Variants in TRAPPC9 observed in about 807,000 individuals in gnomAD.
TRAPPC9 encodes IKK2 binding protein.
A neutral mutation model predicts 124.0 loss-of-function variants in TRAPPC9; 83 were observed. The ratio of observed to expected loss-of-function variants is 0.67; its 90% CI spans 0.56 to 0.80. The LOEUF (loss-of-function observed/expected upper bound fraction) is 0.80. Among genes scored for constraint, TRAPPC9 ranks in the 30% least tolerant of loss-of-function variants. The probability of loss-of-function intolerance (pLI) is 0.00; values close to 1 mark genes in which losing one functional copy is unlikely to be tolerated. For missense variants in TRAPPC9, 1,302 were observed against 1,508.3 expected (o/e 0.86, Z 2.27); for synonymous variants, 638 against 617.5 (o/e 1.03, Z -0.49).
intron 21 of TRAPPC9, among the ~76,000 whole-genome samples, chr8:139,879,948 G>A (rs1270185117): frequency 2.6e-5 from 4 of 152,162 alleles, no homozygotes; most frequent in Non-Finnish European, 5.9e-5. Flanking sequence ...CCAGAAGCAG[G>A]TCTGTGGGAT....
At position 140,241,096 on chromosome 8, in the gene TRAPPC9, G is replaced by A. The variant is rs928800636; in HGVS notation, c.2431+11681C>T. On this transcript the variant is annotated intron_variant, in intron 16 of 22. Coordinates refer to ENST00000438773, the MANE Select transcript of TRAPPC9 (RefSeq NM_001160372.4). This position sits in a 1 kb window ranked among gnomAD's most constrained non-coding sequence, Gnocchi z 5.0. ...TGGCATCCAGCTCATCTTTAGTCAG[G>A]ACCTGTTCAAAGACCATTCAGGCCG... Among the ~76,000 whole-genome samples the A allele has an allele frequency of 2.6e-5, 4 of 152,096 alleles. No individual in the cohort carries two copies. Among genetic ancestry groups the A allele is most frequent in the Non-Finnish European group, 5.9e-5 (4 of 68,018 alleles).
At chr8:139,802,136 C>A (rs12680346) in intron 21 of TRAPPC9, among the ~76,000 whole-genome samples, 1 of 151,974 alleles carries the variant, frequency 6.6e-6, no homozygotes, top group Non-Finnish European at 1.5e-5. Context: ...CAGTACAGAA[C>A]GGCATGGGTC....
chr8:140,384,072 A>C (rs954969856), intron 7 of TRAPPC9, among the ~76,000 whole-genome samples: 2 of 152,202 alleles, frequency 1.3e-5, no homozygotes, highest in Non-Finnish European at 2.9e-5. Context: ...TAAGCTTCAT[A>C]AGTGAAGGAG....
At chr8:140,021,096 G>A (rs373913221) in intron 18 of TRAPPC9, among the ~76,000 whole-genome samples, 7 of 152,034 alleles carry the variant, frequency 4.6e-5, no homozygotes, top group African/African-American at 7.2e-5. Flanking sequence ...ATCTATTTAC[G>A]TTTAGTGTAA....
chr8:140,457,891 G>T, upstream of TRAPPC9: 1 of 867,714 alleles, frequency 1.2e-6, no homozygotes, highest in Non-Finnish European at 1.5e-6. Context: ...AGAGAAGAGG[G>T]GACAGGGAGG....
At chr8:139,800,800 A>G (rs1823450831) in intron 21 of TRAPPC9, among the ~76,000 whole-genome samples, 1 of 148,924 alleles carries the variant, frequency 6.7e-6, no homozygotes, top group Non-Finnish European at 1.5e-5. Flanking sequence ...TCCGTCCGGT[A>G]TCTTTACCTT....
chr8:140,291,275 A>C (rs112702767), intron 11 of TRAPPC9, 197 bp from the exon 12 acceptor site: 8 of 645,712 alleles, frequency 1.2e-5, no homozygotes, highest in African/African-American at 1.8e-5. Flanking sequence ...TGTCACTGGC[A>C]CTTTGATGCC....
intron 20 of TRAPPC9, among the ~76,000 whole-genome samples, chr8:139,893,953 G>A (rs1830505790): frequency 6.6e-6 from 1 of 152,256 alleles, no homozygotes; most frequent in South Asian, 2.1e-4. Flanking sequence ...GCACGGGGCA[G>A]ATGCAAGCCT....
intron 16 of TRAPPC9, among the ~76,000 whole-genome samples, chr8:140,240,445 C>G (rs1418599384): frequency 6.6e-6 from 1 of 152,194 alleles, no homozygotes; most frequent in Non-Finnish European, 1.5e-5. Context: ...CACATCGCCT[C>G]TTGCTCTCCA....
At chr8:140,441,338 G>T (rs2071010180) in intron 2 of TRAPPC9, among the ~76,000 whole-genome samples, 2 of 151,230 alleles carry the variant, frequency 1.3e-5, no homozygotes, top group Non-Finnish European at 1.5e-5. Context: ...TGTTCCAAAT[G>T]GGAAAAAAAA....
intron 17 of TRAPPC9, among the ~76,000 whole-genome samples, chr8:140,155,310 GCAGGGAC>G (rs1321910301): frequency 6.6e-6 from 1 of 152,176 alleles, no homozygotes; most frequent in African/African-American, 2.4e-5. Context: ...GGCTCCAAAG[GCAGGGAC>G]CAGGACCCAT....
chr8:140,259,873 C>T (rs936520843), intron 15 of TRAPPC9, among the ~76,000 whole-genome samples: 4 of 152,218 alleles, frequency 2.6e-5, no homozygotes, highest in East Asian at 1.9e-4. Flanking sequence ...AGAACACACA[C>T]GTGTGCCCAG....
intron 19 of TRAPPC9, among the ~76,000 whole-genome samples, chr8:139,956,157 C>T (rs1834965597): frequency 6.6e-6 from 1 of 151,526 alleles, no homozygotes; most frequent in African/African-American, 2.4e-5. Context: ...GATGTTGTTT[C>T]GTTTTTTTTT....
chr8:140,171,468 C>T (rs1345019916), intron 17 of TRAPPC9, among the ~76,000 whole-genome samples: 3 of 152,202 alleles, frequency 2.0e-5, no homozygotes, highest in Admixed American at 6.5e-5. Context: ...GAAGAACATA[C>T]CTGTAAAACA....
chr8:139,782,518 A>T (rs1821905166), intron 21 of TRAPPC9, among the ~76,000 whole-genome samples: 1 of 152,272 alleles, frequency 6.6e-6, no homozygotes. Context: ...CAAAAAATAC[A>T]TAAGAATCCT....
At chr8:139,910,356 G>A (rs1021049932) in intron 19 of TRAPPC9, 56 bp from the exon 20 acceptor site, 1 of 1,583,298 alleles carries the variant, frequency 6.3e-7, no homozygotes, top group Admixed American at 1.7e-5. Flanking sequence ...ATTTCTGCCG[G>A]CTGTTGGAGA....
chr8:140,399,230 G>A (rs1263181117), intron 6 of TRAPPC9, among the ~76,000 whole-genome samples: 2 of 152,254 alleles, frequency 1.3e-5, no homozygotes, highest in African/African-American at 4.8e-5. Flanking sequence ...AGTGCAAAAG[G>A]GAAATATGGG....
At chr8:140,107,531 C>T (rs993834937) in intron 17 of TRAPPC9, among the ~76,000 whole-genome samples, 1 of 152,190 alleles carries the variant, frequency 6.6e-6, no homozygotes, top group Non-Finnish European at 1.5e-5. Context: ...GCCAAGCCGT[C>T]CAGAATTGGA....
intron 1 of TRAPPC9, among the ~76,000 whole-genome samples, chr8:140,457,336 GC>G (rs1190173024): frequency 6.6e-6 from 1 of 152,224 alleles, no homozygotes; most frequent in Non-Finnish European, 1.5e-5. Flanking sequence ...GGAGAGCAGA[GC>G]CGGCCCGGGC....
Sources: allele counts gnomAD v4.1 joint callset (sites outside exome capture counted in the v4.1 genomes callset), GRCh38; gene constraint gnomAD v4.1.1; non-coding constraint Gnocchi (gnomAD v3.1); transcripts MANE v1.5; gene names NCBI Gene and HGNC (gene_info 2026-07-23, HGNC 2026-07-21).